Variants in KIF6 observed in about 807,000 individuals in gnomAD.
KIF6 encodes the protein kinesin family member 6.
Under a neutral mutation model 112.7 loss-of-function variants are expected in KIF6, and 106 were observed. The ratio of observed to expected loss-of-function variants is 0.94; its 90% confidence interval spans 0.80 to 1.11. The LOEUF is 1.11. Among genes scored for constraint, KIF6 ranks in the 50% least tolerant of loss-of-function variants. The pLI is 0.00. For synonymous variants in KIF6, 339 were observed against 339.9 expected (o/e 1.00, Z 0.03); for missense variants, 929 against 964.0 (o/e 0.96, Z 0.48).
chr6:39,652,387 C>T (rs546676305), intron 3 of KIF6, among the ~76,000 whole-genome samples: 140 of 151,966 alleles, frequency 9.2e-4, no homozygotes, highest in African/African-American at 3.2e-3. Flanking sequence ...ATTAGCCGGG[C>T]GTGGTGGCGT....
intron 3 of KIF6, among the ~76,000 whole-genome samples, chr6:39,696,227 C>T (rs1463385844): frequency 6.6e-6 from 1 of 152,114 alleles, no homozygotes; most frequent in African/African-American, 2.4e-5. Flanking sequence ...TTATTAGAAG[C>T]CCAAACCTCA....
intron 13 of KIF6, among the ~76,000 whole-genome samples, chr6:39,524,798 C>T (rs1345240487): frequency 6.6e-6 from 1 of 152,236 alleles, no homozygotes; most frequent in Non-Finnish European, 1.5e-5. Flanking sequence ...CTCTCACTTC[C>T]ACAGGTGTTG....
chr6:39,596,002 G>T, intron 7 of KIF6, 52 bp downstream of exon 7: 1 of 1,395,436 alleles, frequency 7.2e-7, no homozygotes, highest in Non-Finnish European at 1.0e-6. Flanking sequence ...ATAGTATGTG[G>T]TCAACACATG....
chr6:39,439,103 C>T (rs766588419), intron 13 of KIF6, among the ~76,000 whole-genome samples: 13 of 152,128 alleles, frequency 8.5e-5, no homozygotes, highest in South Asian at 2.1e-4. Flanking sequence ...CACCTTATGA[C>T]GCATTTCTCA....
At chr6:39,661,983 C>T (rs1449413098) in intron 3 of KIF6, among the ~76,000 whole-genome samples, 2 of 152,058 alleles carry the variant, frequency 1.3e-5, no homozygotes, top group African/African-American at 4.8e-5. Flanking sequence ...GACCTTGGCA[C>T]CCCAGGAAAG....
intron 13 of KIF6, among the ~76,000 whole-genome samples, chr6:39,517,178 G>C (rs889688222): frequency 6.6e-6 from 1 of 152,138 alleles, no homozygotes; most frequent in Non-Finnish European, 1.5e-5. Context: ...GCTATGCCCA[G>C]CTTAACCTTT....
At chr6:39,516,385 A>G (rs1777086366) in intron 13 of KIF6, among the ~76,000 whole-genome samples, 1 of 148,488 alleles carries the variant, frequency 6.7e-6, no homozygotes, top group African/African-American at 2.4e-5. Context: ...TATAATCATT[A>G]TATCTTATGT....
At chr6:39,701,586 T>C (rs1788881387) in intron 3 of KIF6, among the ~76,000 whole-genome samples, 1 of 152,206 alleles carries the variant, frequency 6.6e-6, no homozygotes, top group Admixed American at 6.5e-5. Context: ...CGTTCAAAGA[T>C]AAAATTGTTA....
At chr6:39,590,425 G>GTA (rs1166869945) in intron 7 of KIF6, among the ~76,000 whole-genome samples, 32 of 117,356 alleles carry the variant, frequency 2.7e-4, no homozygotes, top group Middle Eastern at 4.1e-3. Flanking sequence ...GTGTATGTGT[G>GTA]TGTGTATATA....
intron 13 of KIF6, among the ~76,000 whole-genome samples, chr6:39,441,793 C>T (rs1771937001): frequency 6.6e-6 from 1 of 152,230 alleles, no homozygotes; most frequent in Non-Finnish European, 1.5e-5. Context: ...GGTTAAAGGG[C>T]TATGTTCAAC....
rs185123853 is a variant in KIF6 at position 39,646,721 on chromosome 6, G to A, written c.252-6964C>T. ...AAATTTTTTAAGCTAATAGAAATAC[G>A]CTATATACATGTTTAATCTGACAAA... On this transcript the variant is annotated intron_variant, in intron 3 of 22. Transcript: ENST00000287152. 1.4e-3 allele frequency among the ~76,000 whole-genome samples: 209 copies of A among 152,236 alleles called. 1 individual carries two copies. Among genetic ancestry groups the A allele is most frequent in the African/African-American group, 4.8e-3 (199 of 41,540 alleles).
chr6:39,609,196 G>T (rs1209017868), intron 6 of KIF6, among the ~76,000 whole-genome samples: 1 of 152,132 alleles, frequency 6.6e-6, no homozygotes. Flanking sequence ...CCACAGAGTA[G>T]AACCAACACT....
chr6:39,441,926 A>G (rs1015721337), intron 13 of KIF6, among the ~76,000 whole-genome samples: 3 of 152,238 alleles, frequency 2.0e-5, no homozygotes, highest in Admixed American at 2.0e-4. Context: ...GGCTTGGACC[A>G]GGCTGAAGCA....
chr6:39,574,156 T>C (rs1412357768), intron 10 of KIF6, among the ~76,000 whole-genome samples: 8 of 152,214 alleles, frequency 5.3e-5, no homozygotes, highest in Admixed American at 5.2e-4. Context: ...AAAAATTTAA[T>C]TGTTATTTGA....
chr6:39,509,190 CA>C (rs1479163320), intron 13 of KIF6, among the ~76,000 whole-genome samples: 9 of 152,150 alleles, frequency 5.9e-5, no homozygotes, highest in African/African-American at 1.7e-4. Context: ...TCAACGTCAA[CA>C]AAAAGGACAT....
chr6:39,622,216 T>G (rs779666884), intron 5 of KIF6, among the ~76,000 whole-genome samples: 7 of 152,014 alleles, frequency 4.6e-5, no homozygotes, highest in Non-Finnish European at 8.8e-5. Context: ...CAACTGTTTT[T>G]TAACCGTTAT....
chr6:39,575,966 T>A (rs775124380), intron 10 of KIF6, among the ~76,000 whole-genome samples: 2 of 152,190 alleles, frequency 1.3e-5, no homozygotes, highest in Non-Finnish European at 2.9e-5. Flanking sequence ...GAGAGATCCA[T>A]GTGTTTATCC....
intron 10 of KIF6, among the ~76,000 whole-genome samples, chr6:39,560,592 G>C (rs541468479): frequency 6.6e-6 from 1 of 152,198 alleles, no homozygotes; most frequent in South Asian, 2.1e-4. Context: ...GTTCTTCCCA[G>C]TCAAAAGTAA....
At chr6:39,622,043 T>A (rs1783850218) in intron 5 of KIF6, among the ~76,000 whole-genome samples, 1 of 151,774 alleles carries the variant, frequency 6.6e-6, no homozygotes, top group African/African-American at 2.4e-5. Flanking sequence ...GGCGGGCACC[T>A]GTAATCCCAG....
Sources: gnomAD v4.1 joint callset for allele counts (sites outside exome capture counted in the v4.1 genomes callset) on GRCh38, gnomAD v4.1.1 for gene constraint, MANE v1.5 for transcripts, NCBI Gene and HGNC (gene_info 2026-07-23, HGNC 2026-07-21) for gene names.